The following MLIP variants were observed in gnomAD, a reference collection of about 807,000 sequenced individuals.
The protein encoded by MLIP is muscular LMNA interacting protein.
A neutral mutation model predicts 84.8 loss-of-function variants in MLIP; 79 were observed. That is an observed-to-expected ratio of 0.93 (90% CI 0.78 to 1.12). The LOEUF (loss-of-function observed/expected upper bound fraction) is 1.12. Ranked by LOEUF, MLIP falls within the 50% of genes most tolerant of loss-of-function variation. The pLI is 0.00. For missense variants in MLIP, 1,257 were observed against 1,160.6 expected, an observed-to-expected ratio of 1.08 and a Z score of -1.21; for synonymous variants, 504 against 463.0, an observed-to-expected ratio of 1.09 and a Z score of -1.14.
intron 11 of MLIP, chr6:54,216,724 G>A: frequency 2.0e-6 from 2 of 985,350 alleles, no homozygotes; most frequent in Non-Finnish European, 2.4e-6. Context: ...CTTTAAATAT[G>A]TCTGTTTGAA....
At chr6:54,108,486 C>G (rs890000731), upstream of MLIP, among the ~76,000 whole-genome samples, 2 of 152,130 alleles carry the variant, frequency 1.3e-5, no homozygotes, top group African/African-American at 2.4e-5. Flanking sequence ...TACATGTGCT[C>G]TTTGAAGCTA....
intron 11 of MLIP, among the ~76,000 whole-genome samples, chr6:54,229,769 A>AC (rs1258525603): frequency 6.6e-6 from 1 of 152,084 alleles, no homozygotes; most frequent in Non-Finnish European, 1.5e-5. Flanking sequence ...CTAATCTATC[A>AC]TTGATAGGCA....
At chr6:54,136,452 C>G (rs1169485478) in intron 3 of MLIP, among the ~76,000 whole-genome samples, 1 of 152,136 alleles carries the variant, frequency 6.6e-6, no homozygotes, top group Non-Finnish European at 1.5e-5. Context: ...GAATTATCTT[C>G]CAACTATGCA....
intron 11 of MLIP, among the ~76,000 whole-genome samples, chr6:54,229,435 C>A (rs1274056589): frequency 2.0e-5 from 3 of 152,078 alleles, no homozygotes; most frequent in Non-Finnish European, 2.9e-5. Flanking sequence ...AAACGTGTGC[C>A]ATAGTGGTTT....
intron 12 of MLIP, among the ~76,000 whole-genome samples, chr6:54,250,413 T>A (rs189238950): frequency 3.3e-5 from 5 of 152,210 alleles, no homozygotes; most frequent in African/African-American, 4.8e-5. Flanking sequence ...TGCATGTGTA[T>A]GATCACTGCA....
chr6:54,237,084 C>T (rs770367664), intron 12 of MLIP, among the ~76,000 whole-genome samples: 19 of 151,798 alleles, frequency 1.3e-4, no homozygotes, highest in Non-Finnish European at 2.1e-4. Context: ...CTGAGAAGAC[C>T]GTCACTTATG....
chr6:54,260,997 G>C (rs1224324424), intron 13 of MLIP, among the ~76,000 whole-genome samples: 1 of 151,880 alleles, frequency 6.6e-6, no homozygotes, highest in Non-Finnish European at 1.5e-5. Flanking sequence ...CATTGTGTCA[G>C]CTCATTTTCA....
chr6:54,233,883 A>T (rs957724450), intron 12 of MLIP, among the ~76,000 whole-genome samples: 4 of 152,094 alleles, frequency 2.6e-5, no homozygotes, highest in Non-Finnish European at 5.9e-5. Flanking sequence ...TTTAATGATC[A>T]CCATTCTAAC....
Position 54,124,892 on chromosome 6 carries a change from A to G in MLIP, c.645+27A>G, listed in dbSNP as rs192130527. ...TAGGTTTTGTGTTCCTGCTGTCCATAAGGAAAAAAAAAGCGTTTATGCACC... is the reference window on the plus strand; with the variant it reads ...TAGGTTTTGTGTTCCTGCTGTCCATGAGGAAAAAAAAAGCGTTTATGCACC... On this transcript the variant is annotated intron_variant, in intron 3 of 13. Transcript: ENST00000502396. 7.8e-6 allele frequency: 12 copies of G among 1,529,502 alleles called. No homozygotes were observed. In the East Asian group the frequency reaches 1.4e-4, roughly 17 times the overall value. 94.7% of individuals were successfully genotyped at this position (1,529,502 alleles called of 1,614,324 possible).
At chr6:54,122,878 C>A (rs1455448955) in intron 2 of MLIP, among the ~76,000 whole-genome samples, 2 of 152,114 alleles carry the variant, frequency 1.3e-5, no homozygotes, top group Non-Finnish European at 2.9e-5. Context: ...AGATTTTTCA[C>A]CCTATCTCTT....
chr6:54,160,465 T>C, intron 6 of MLIP, 33 bp downstream of exon 6: 1 of 1,611,514 alleles, frequency 6.2e-7, no homozygotes. Context: ...GCTTTTGGTA[T>C]GCAATTCCAA....
intron 1 of MLIP, among the ~76,000 whole-genome samples, chr6:54,114,222 T>C (rs957931101): frequency 3.3e-5 from 5 of 152,228 alleles, no homozygotes; most frequent in Non-Finnish European, 5.9e-5. Flanking sequence ...TTTACATCTT[T>C]ATTGATCTCA....
At chr6:54,209,112 C>T (rs1054930806) in intron 11 of MLIP, among the ~76,000 whole-genome samples, 1 of 152,030 alleles carries the variant, frequency 6.6e-6, no homozygotes, top group Non-Finnish European at 1.5e-5. Context: ...TCAACCTTGG[C>T]GATATTGGCA....
chr6:54,245,779 G>A (rs533852928), intron 12 of MLIP, among the ~76,000 whole-genome samples: 4 of 152,082 alleles, frequency 2.6e-5, no homozygotes, highest in African/African-American at 9.6e-5. Flanking sequence ...CAACCTAGTT[G>A]TCTCATTGCC....
chr6:54,179,952 G>A (rs1420220156), intron 9 of MLIP, among the ~76,000 whole-genome samples: 1 of 152,098 alleles, frequency 6.6e-6, no homozygotes, highest in Non-Finnish European at 1.5e-5. Flanking sequence ...TCAAATTGAA[G>A]AGCCCTCTTT....
chr6:54,203,777 G>T (rs1016251442), intron 11 of MLIP: 4 of 152,174 alleles, frequency 2.6e-5, no homozygotes, highest in African/African-American at 9.7e-5. Context: ...GTAGAGACAG[G>T]GTTTCACCAT....
At chr6:54,148,137 C>G (rs1773052974) in intron 4 of MLIP, among the ~76,000 whole-genome samples, 1 of 152,124 alleles carries the variant, frequency 6.6e-6, no homozygotes, top group Non-Finnish European at 1.5e-5. Flanking sequence ...TTTGAAGACA[C>G]TAAGATAGCC....
intron 10 of MLIP, among the ~76,000 whole-genome samples, chr6:54,201,111 G>A (rs1354060962): frequency 6.6e-6 from 1 of 152,164 alleles, no homozygotes; most frequent in Non-Finnish European, 1.5e-5. Flanking sequence ...ATTTTACGGG[G>A]TAACAAGATT....
chr6:54,087,325 C>T (rs753776932), intron 1 of MLIP, among the ~76,000 whole-genome samples: 3 of 152,118 alleles, frequency 2.0e-5, no homozygotes, highest in Non-Finnish European at 2.9e-5. Flanking sequence ...GGAAGTTTCA[C>T]ATTTATAGCA....
Sources: allele counts gnomAD v4.1 joint callset (sites outside exome capture counted in the v4.1 genomes callset), GRCh38; gene constraint gnomAD v4.1.1; transcripts MANE v1.5; gene names NCBI Gene and HGNC (gene_info 2026-07-23, HGNC 2026-07-21).